The following SGCZ variants were observed in gnomAD, a reference collection of about 807,000 sequenced individuals.
The protein encoded by SGCZ is sarcoglycan zeta.
A neutral mutation model predicts 41.3 loss-of-function variants in SGCZ; 40 were observed. That is an observed-to-expected ratio of 0.97 (90% confidence interval 0.75 to 1.26). The LOEUF (loss-of-function observed/expected upper bound fraction) is 1.26, where lower values mean the gene tolerates loss of function less well. Ranked by LOEUF, SGCZ falls within the 50% of genes most tolerant of loss-of-function variation. The pLI is 0.00. For missense variants in SGCZ, 552 were observed against 369.8 expected, an observed-to-expected ratio of 1.49 and a Z score of -4.04; for synonymous variants, 206 against 137.5, an observed-to-expected ratio of 1.50 and a Z score of -3.49.
intron 5 of SGCZ, among the ~76,000 whole-genome samples, chr8:14,128,703 GTGT>G (rs1802941179): frequency 6.6e-6 from 1 of 151,834 alleles, no homozygotes; most frequent in Non-Finnish European, 1.5e-5. Flanking sequence ...TGTGATGTGT[GTGT>G]ATATATACAT....
At chr8:14,460,590 A>C (rs1800873716) in intron 2 of SGCZ, among the ~76,000 whole-genome samples, 1 of 152,128 alleles carries the variant, frequency 6.6e-6, no homozygotes, top group African/African-American at 2.4e-5. Flanking sequence ...GCATAATAAC[A>C]AGAAATGTAT....
chr8:15,040,266 G>A (rs1334324286), intron 1 of SGCZ, among the ~76,000 whole-genome samples: 3 of 152,120 alleles, frequency 2.0e-5, no homozygotes, highest in African/African-American at 7.2e-5. Context: ...AATATAGTAG[G>A]AATATATCAT....
rs778481584 is a variant in SGCZ at position 15,196,816 on chromosome 8, T to C, written c.39+40769A>G. 1.3e-4 allele frequency among the ~76,000 whole-genome samples: 20 copies of C among 152,164 alleles called. 1 individual carries two copies. Among genetic ancestry groups the C allele is most frequent in the Admixed American group, 6.5e-4 (10 of 15,270 alleles). On this transcript the variant is annotated intron_variant, in intron 1 of 7. Coordinates refer to ENST00000382080, the MANE Select transcript of SGCZ (RefSeq NM_139167.4). ...TGGGCTGCAGGGTTTCCTCTTCTGG[T>C]GGTGGCTGGGCTCACTCATGTAGCC...
At chr8:15,005,074 T>C (rs920860139) in intron 1 of SGCZ, among the ~76,000 whole-genome samples, 2 of 152,148 alleles carry the variant, frequency 1.3e-5, no homozygotes, top group Non-Finnish European at 2.9e-5. Flanking sequence ...CACGGTGCGC[T>C]AGATGGCAGA....
chr8:14,208,751 G>A (rs1201969399), intron 4 of SGCZ, among the ~76,000 whole-genome samples: 1 of 151,952 alleles, frequency 6.6e-6, no homozygotes, highest in Non-Finnish European at 1.5e-5. Flanking sequence ...TAATTAAGTG[G>A]TAATTTATCT....
intron 1 of SGCZ, among the ~76,000 whole-genome samples, chr8:14,562,448 AAG>A (rs763441451): frequency 2.6e-5 from 4 of 152,184 alleles, no homozygotes; most frequent in Admixed American, 6.5e-5. Context: ...TACAATAAAA[AAG>A]AAATACATTA....
intron 2 of SGCZ, among the ~76,000 whole-genome samples, chr8:14,473,369 T>TTGTA (rs1450050019): frequency 6.6e-6 from 1 of 152,174 alleles, no homozygotes; most frequent in Non-Finnish European, 1.5e-5. Flanking sequence ...CCAAAGTTCT[T>TTGTA]TAATTTTGTT....
intron 7 of SGCZ, among the ~76,000 whole-genome samples, chr8:14,096,839 G>A (rs1392770992): frequency 6.6e-6 from 1 of 152,072 alleles, no homozygotes; most frequent in Non-Finnish European, 1.5e-5. Flanking sequence ...TTGGGAAGGT[G>A]TATGTGTCCA....
At chr8:14,705,300 A>T (rs1809298734) in intron 1 of SGCZ, among the ~76,000 whole-genome samples, 2 of 152,104 alleles carry the variant, frequency 1.3e-5, no homozygotes, top group South Asian at 2.1e-4. Context: ...CTATTTGTTA[A>T]CAGGATTATG....
At chr8:14,322,707 G>A (rs1014191923) in intron 3 of SGCZ, among the ~76,000 whole-genome samples, 10 of 152,110 alleles carry the variant, frequency 6.6e-5, no homozygotes, top group Admixed American at 1.3e-4. Flanking sequence ...CATTTTCAGA[G>A]AAGTTTTGGC....
At chr8:14,510,208 C>G (rs1585612318) in intron 2 of SGCZ, among the ~76,000 whole-genome samples, 1 of 152,158 alleles carries the variant, frequency 6.6e-6, no homozygotes, top group African/African-American at 2.4e-5. Flanking sequence ...AAAAAATTCT[C>G]CTTTATTTAA....
intron 1 of SGCZ, among the ~76,000 whole-genome samples, chr8:14,790,559 A>G (rs542033651): frequency 6.3e-4 from 96 of 151,986 alleles, no homozygotes; most frequent in Non-Finnish European, 1.0e-3. Context: ...GAATGATTCT[A>G]TAATAACTAA....
intron 1 of SGCZ, among the ~76,000 whole-genome samples, chr8:14,558,344 G>A (rs1007514601): frequency 6.6e-6 from 1 of 152,042 alleles, no homozygotes; most frequent in Admixed American, 6.6e-5. Context: ...GGAAGCCAAG[G>A]CAGGTGGATC....
intron 3 of SGCZ, among the ~76,000 whole-genome samples, chr8:14,246,140 A>C (rs927389293): frequency 5.3e-5 from 8 of 152,356 alleles, no homozygotes; most frequent in Admixed American, 4.6e-4. Context: ...ATAAAGACAC[A>C]TGCACATGTA....
chr8:14,621,238 G>A (rs1454388991), intron 1 of SGCZ, among the ~76,000 whole-genome samples: 1 of 139,754 alleles, frequency 7.2e-6, no homozygotes, highest in Non-Finnish European at 1.5e-5. Flanking sequence ...ATTGAACAAT[G>A]AGAACACTTG....
intron 1 of SGCZ, among the ~76,000 whole-genome samples, chr8:15,051,061 G>C (rs868617816): frequency 1.8e-4 from 28 of 152,110 alleles, no homozygotes; most frequent in African/African-American, 6.3e-4. Context: ...AGTTTAATAG[G>C]TTTGATAGTC....
chr8:14,299,518 A>G (rs900859538), intron 3 of SGCZ, among the ~76,000 whole-genome samples: 2 of 152,006 alleles, frequency 1.3e-5, no homozygotes, highest in Admixed American at 1.3e-4. Context: ...TGCAATTCAC[A>G]GGAAAAGATA....
At chr8:14,116,024 C>T (rs1053312742) in intron 5 of SGCZ, among the ~76,000 whole-genome samples, 1 of 152,014 alleles carries the variant, frequency 6.6e-6, no homozygotes, top group Admixed American at 6.6e-5. Context: ...ACTTTCATTG[C>T]TTAATTCTTT....
intron 2 of SGCZ, among the ~76,000 whole-genome samples, chr8:14,512,823 T>C (rs10094262): frequency 1 from 151,955 of 152,102 alleles, 75,904 homozygotes; most frequent in Middle Eastern, 1. Flanking sequence ...GGAACTTTAT[T>C]AATTGTCTAC....
Sources: allele counts gnomAD v4.1 joint callset (sites outside exome capture counted in the v4.1 genomes callset), GRCh38; gene constraint gnomAD v4.1.1; transcripts MANE v1.5; gene names NCBI Gene and HGNC (gene_info 2026-07-23, HGNC 2026-07-21).